Variants in CDK13 observed in about 807,000 individuals in gnomAD.
The protein encoded by CDK13 is cyclin-dependent kinase 13.
CDK13 carries 40 observed loss-of-function variants against 137.6 expected under a neutral mutation model. The ratio of observed to expected loss-of-function variants is 0.29; its 90% CI spans 0.23 to 0.38. The LOEUF is 0.38. CDK13 is among the 10% of genes least tolerant of loss of function. CDK13 has a pLI of 1.00. For missense variants in CDK13, 1,704 were observed against 1,951.8 expected (o/e 0.87, Z 2.39); for synonymous variants, 869 against 760.1 (o/e 1.14, Z -2.36).
chr7:40,052,876 G>C lies in CDK13; in HGVS notation c.2600+4999G>C, dbSNP rs575992373. Among the ~76,000 whole-genome samples, 115 of 152,276 alleles carry C rather than the reference G, an allele frequency of 7.6e-4. No individual in the cohort carries two copies. Among genetic ancestry groups the C allele is most frequent in the Non-Finnish European group, 1.3e-3 (89 of 68,020 alleles). On this transcript the variant is annotated intron_variant, in intron 7 of 13. Coordinates refer to ENST00000181839, the MANE Select transcript of CDK13 (RefSeq NM_003718.5). ...TCTTCATCTGGAGGATCCTCCTGAT[G>C]CAGATGAGTGCAGGGAGCTTTGGGG...
intron 7 of CDK13, among the ~76,000 whole-genome samples, chr7:40,057,442 G>C (rs559007240): frequency 6.6e-6 from 1 of 152,298 alleles, no homozygotes; most frequent in Admixed American, 6.5e-5. Flanking sequence ...GGAGGGAGGA[G>C]AGTAATGAGC....
intron 9 of CDK13, chr7:40,070,023 C>T (rs1283211398): frequency 7.4e-6 from 1 of 135,762 alleles, no homozygotes; most frequent in South Asian, 2.3e-4. Flanking sequence ...GAGATCAAGA[C>T]CATCCGGGCT....
chr7:39,958,695 T>C (rs893780334), intron 1 of CDK13, among the ~76,000 whole-genome samples: 3 of 151,544 alleles, frequency 2.0e-5, no homozygotes, highest in African/African-American at 7.3e-5. Flanking sequence ...TTAGTTTTGT[T>C]TTTTTTTTAA....
chr7:39,991,849 T>C (rs1056767655), intron 2 of CDK13, among the ~76,000 whole-genome samples: 1 of 151,876 alleles, frequency 6.6e-6, no homozygotes, highest in Non-Finnish European at 1.5e-5. Flanking sequence ...TCCAGGAGTT[T>C]GAGAGGAGCC....
In CDK13 at chr7:39,995,285, A is replaced by C. The variant is rs1329667924; in HGVS notation, c.1872-2209A>C. On this transcript the variant is annotated intron_variant, in intron 2 of 13. Transcript: ENST00000181839. ...TCTTTTAAGTTTTAAATTATAAGTGAAATTAAGACTTTAGTTTTTTGCTCT... is the reference window on the plus strand; with the variant it reads ...TCTTTTAAGTTTTAAATTATAAGTGCAATTAAGACTTTAGTTTTTTGCTCT... Among the ~76,000 whole-genome samples the C allele has an allele frequency of 2.0e-5, 3 of 152,224 alleles. No homozygotes were observed. The East Asian group carries it at 5.8e-4, about 29-fold the overall frequency.
chr7:39,995,188 ATG>A (rs1389555251), intron 2 of CDK13, among the ~76,000 whole-genome samples: 8 of 152,178 alleles, frequency 5.3e-5, no homozygotes, highest in Non-Finnish European at 1.2e-4. Flanking sequence ...TTCAATAAAA[ATG>A]TTTTAAATTA....
intron 5 of CDK13, among the ~76,000 whole-genome samples, chr7:40,036,555 C>T (rs192195583): frequency 1.4e-4 from 21 of 151,754 alleles, no homozygotes; most frequent in African/African-American, 4.6e-4. Flanking sequence ...TGGGTGACAG[C>T]GCGAGACTCC....
intron 1 of CDK13, among the ~76,000 whole-genome samples, chr7:39,981,560 T>G (rs1784223837): frequency 6.6e-6 from 1 of 152,192 alleles, no homozygotes; most frequent in African/African-American, 2.4e-5. Flanking sequence ...AACTGAAATT[T>G]GTTTAGTTTT....
At chr7:40,047,386 G>A (rs1236651440) in intron 6 of CDK13, among the ~76,000 whole-genome samples, 1 of 152,058 alleles carries the variant, frequency 6.6e-6, no homozygotes, top group African/African-American at 2.4e-5. Context: ...TATGCACCTA[G>A]CCCCTCTAAA....
At chr7:39,963,776 T>C (rs1783804739) in intron 1 of CDK13, among the ~76,000 whole-genome samples, 1 of 52,622 alleles carries the variant, frequency 1.9e-5, no homozygotes, top group African/African-American at 7.5e-5. Flanking sequence ...ATAGCTCTTA[T>C]TATTTTGAGA....
rs200811940 is a variant in CDK13 at position 39,988,098 on chromosome 7, G to C, written c.1711G>C (p.Ala571Pro). The C allele has an allele frequency of 6.2e-7, 1 of 1,614,042 alleles. No homozygotes were observed. Among genetic ancestry groups the C allele is most frequent in the Non-Finnish European group, 8.5e-7 (1 of 1,180,010 alleles). ...CATAGTTGGAAAGGAGAGTAAATCT[G>C]CTGCTACAAAGGAGGAATCAGTATC... ...AVIVGKESKS[A>P]ATKEESVSLK... Residue 571 changes from alanine to proline, a missense_variant, in exon 2 of 14, where the codon GCT becomes CCT. Ala to Pro is a conservative substitution (Grantham distance 27). This residue lies in a region of CDK13 where 1,051 missense variants were observed against 931.0 expected (regional missense o/e 1.13). Coordinates refer to ENST00000181839, the MANE Select transcript of CDK13 (RefSeq NM_003718.5).
In CDK13 at chr7:40,061,151, T is replaced by C. The variant is rs563811569; in HGVS notation, c.2601-1675T>C. On this transcript the variant is annotated intron_variant, in intron 7 of 13. Transcript: ENST00000181839. ...ATTACTAAGTTCAGTTTAACTAGAG[T>C]AGCTAAAATTTGAAAGACTTGCTCA... 2.6e-5 allele frequency: 4 copies of C among 151,564 alleles called. No individual in the cohort carries two copies. In the East Asian group the frequency reaches 7.8e-4, roughly 29 times the overall value. The allele number at this position is 151,564 out of a possible 1,614,324, so 9.4% of individuals were successfully genotyped here.
At chr7:40,053,757 C>CTT (rs202075128) in intron 7 of CDK13, among the ~76,000 whole-genome samples, 1 of 141,658 alleles carries the variant, frequency 7.1e-6, no homozygotes, top group African/African-American at 2.6e-5. Flanking sequence ...CACCATTTTT[C>CTT]TTTTTTTTTT....
intron 5 of CDK13, among the ~76,000 whole-genome samples, chr7:40,010,788 A>T (rs942019958): frequency 6.6e-6 from 1 of 152,230 alleles, no homozygotes; most frequent in African/African-American, 2.4e-5. Context: ...GGACCCCTGC[A>T]CTAAAAAACT....
At chr7:40,039,988 T>A (rs896830957) in intron 5 of CDK13, among the ~76,000 whole-genome samples, 5 of 152,024 alleles carry the variant, frequency 3.3e-5, no homozygotes, top group Non-Finnish European at 5.9e-5. Flanking sequence ...TTTAAAAAAA[T>A]TTAGATAACT....
intron 12 of CDK13, among the ~76,000 whole-genome samples, chr7:40,089,721 AGAGT>A (rs147662456): frequency 0.03 from 3,779 of 126,732 alleles, 125 homozygotes; most frequent in African/African-American, 0.12. Context: ...AGAGAGAGAG[AGAGT>A]GTGTGTGTGT....
rs145734382 is a variant in CDK13 at position 40,062,832 on chromosome 7, G to A, written c.2607G>A (p.Pro869=). 1.1e-4 allele frequency: 179 copies of A among 1,609,598 alleles called. No individual in the cohort carries two copies. The highest frequency in any genetic ancestry group is 1.7e-4 in the Middle Eastern group (1 of 6,058). Residue 869 remains proline, a synonymous_variant, in exon 8 of 14, where the codon CCG becomes CCA. Transcript: ENST00000181839. The stretch of plus-strand genomic sequence containing the variant: ...TGTTTTCTGTGTTTTTTAGTCGGCC[G>A]TATACTAACAAGGTAATTACTTTAT... ...ARLYSSEESR[P]YTNKVITLWY...
At chr7:40,037,562 A>G (rs191552582) in intron 5 of CDK13, among the ~76,000 whole-genome samples, 10 of 152,316 alleles carry the variant, frequency 6.6e-5, no homozygotes, top group South Asian at 4.1e-4. Context: ...TCACTCTCCA[A>G]TATTCTGTTG....
At chr7:40,002,141 T>C (rs1784696395) in intron 5 of CDK13, 110 bp downstream of exon 5, 3 of 643,316 alleles carry the variant, frequency 4.7e-6, no homozygotes, top group Non-Finnish European at 2.6e-6. Context: ...ACTATTGCTC[T>C]AATCGTGAAA....
Sources: gnomAD v4.1 joint callset for allele counts (sites outside exome capture counted in the v4.1 genomes callset) on GRCh38, gnomAD v4.1.1 for gene constraint, gnomAD v4.1.1 regional missense constraint, MANE v1.5 for transcripts, NCBI Gene and HGNC (gene_info 2026-07-23, HGNC 2026-07-21) for gene names.